The following TMT1B variants were observed in gnomAD, a reference collection of about 807,000 sequenced individuals.
TMT1B encodes the protein thiol S-methyltransferase TMT1B.
At chr12:55,682,808 AAG>A in the TMT1B span, among the ~76,000 whole-genome samples, 117,123 of 148,236 alleles carry the variant, frequency 0.79, 46,932 homozygotes, top group African/African-American at 0.94. Flanking sequence ...AATAAATAAA[AAG>A]AGAGAGAGAG....
chr12:55,682,518 G>A, the TMT1B span, among the ~76,000 whole-genome samples: 2 of 149,414 alleles, frequency 1.3e-5, no homozygotes, highest in African/African-American at 4.9e-5. Context: ...TTTAAATCGA[G>A]ATCTGTGCTT....
chr12:55,682,075 G>C, the TMT1B span: 1 of 1,614,224 alleles, frequency 6.2e-7, no homozygotes, highest in East Asian at 2.2e-5. Flanking sequence ...AGAAGTTCCT[G>C]ACAAAGAGCA....
At chr12:55,684,108 C>A in the TMT1B span, 1 of 1,494,288 alleles carries the variant, frequency 6.7e-7, no homozygotes, top group Non-Finnish European at 9.3e-7. Flanking sequence ...TTAGAACAAG[C>A]CACCCACCAG....
chr12:55,684,238 G>A, the TMT1B span: 26 of 591,478 alleles, frequency 4.4e-5, no homozygotes, highest in East Asian at 2.6e-4. Flanking sequence ...TCCCGCCTTC[G>A]ACAGTGAAAA....
chr12:55,682,734 T>C, the TMT1B span, among the ~76,000 whole-genome samples: 4 of 151,688 alleles, frequency 2.6e-5, no homozygotes, highest in African/African-American at 9.7e-5. Context: ...CAGTGAACTA[T>C]GATCGCACCA....
the TMT1B span, chr12:55,682,116 G>A: frequency 1.1e-5 from 18 of 1,614,154 alleles, no homozygotes; most frequent in South Asian, 5.5e-5. Flanking sequence ...CAATATGAGC[G>A]GTTTGTGGTG....
chr12:55,681,926 C>T, the TMT1B span: 5 of 1,613,958 alleles, frequency 3.1e-6, no homozygotes, highest in Non-Finnish European at 3.4e-6. Flanking sequence ...GAAACGGGAG[C>T]TCTTCAGCCA....
chr12:55,681,962 G>A, the TMT1B span: 8 of 1,614,064 alleles, frequency 5.0e-6, no homozygotes, highest in Admixed American at 3.3e-5. Flanking sequence ...AGGAGCCTCC[G>A]GGAAAGTGGC....
the TMT1B span, chr12:55,683,686 A>G: frequency 1.1e-6 from 1 of 904,790 alleles, no homozygotes; most frequent in Non-Finnish European, 1.8e-6. Flanking sequence ...GGGGCACGAC[A>G]GTTTGCTCCA....
chr12:55,682,587 A>G, the TMT1B span, among the ~76,000 whole-genome samples: 1 of 145,724 alleles, frequency 6.9e-6, no homozygotes, highest in African/African-American at 2.6e-5. Flanking sequence ...CCAAGGCAAC[A>G]TAGTGAGATG....
At chr12:55,684,078 G>C in the TMT1B span, 59 of 1,601,592 alleles carry the variant, frequency 3.7e-5, no homozygotes, top group Admixed American at 2.5e-4. Flanking sequence ...GCACTCATTT[G>C]CTCCTTCCCC....
At chr12:55,682,265 G>C in the TMT1B span, 1 of 1,603,552 alleles carries the variant, frequency 6.2e-7, no homozygotes, top group Non-Finnish European at 8.5e-7. Flanking sequence ...AAGCAGGGTG[G>C]GAAGGGGATG....
At chr12:55,683,452 G>A in the TMT1B span, among the ~76,000 whole-genome samples, 6 of 151,942 alleles carry the variant, frequency 3.9e-5, no homozygotes, top group East Asian at 1.9e-4. Flanking sequence ...CCGAGATCAC[G>A]CCATTGCACT....
the TMT1B span, chr12:55,684,119 C>G: frequency 2.1e-6 from 3 of 1,414,692 alleles, no homozygotes. Flanking sequence ...CACCCACCAG[C>G]CTATCTATCT....
the TMT1B span, among the ~76,000 whole-genome samples, chr12:55,682,658 T>A: frequency 2.7e-5 from 4 of 149,178 alleles, no homozygotes; most frequent in Admixed American, 6.7e-5. Flanking sequence ...TGGTGGCACA[T>A]GCCTATAGTC....
chr12:55,683,896 C>G, the TMT1B span: 4 of 1,614,132 alleles, frequency 2.5e-6, 1 homozygote, highest in South Asian at 2.2e-5. Flanking sequence ...TCGAGCCCAC[C>G]TGGAAACACA....
chr12:55,682,760 G>A, the TMT1B span, among the ~76,000 whole-genome samples: 1 of 151,466 alleles, frequency 6.6e-6, no homozygotes, highest in Non-Finnish European at 1.5e-5. Context: ...CTCCAGCCTG[G>A]GCCACAGAGT....
chr12:55,682,361 A>C, the TMT1B span: 1 of 1,058,240 alleles, frequency 9.4e-7, no homozygotes. Context: ...AGCACATTAG[A>C]CACCCCATCC....
the TMT1B span, chr12:55,683,945 G>T: frequency 1.7e-5 from 28 of 1,614,022 alleles, no homozygotes; most frequent in Non-Finnish European, 2.2e-5. Flanking sequence ...GACCTGGAAG[G>T]ATCTTGAGAA....
Sources: allele counts gnomAD v4.1 joint callset (sites outside exome capture counted in the v4.1 genomes callset), GRCh38; gene constraint gnomAD v4.1.1; transcripts MANE v1.5; gene names NCBI Gene and HGNC (gene_info 2026-07-23, HGNC 2026-07-21).